Variants in ITGA1 observed in about 807,000 individuals in gnomAD.
ITGA1 encodes the protein integrin alpha-1.
A neutral mutation model predicts 145.9 loss-of-function variants in ITGA1; 85 were observed. The observed-to-expected ratio is 0.58, with a 90% confidence interval of 0.49 to 0.70. The LOEUF (loss-of-function observed/expected upper bound fraction) is 0.70. Ranked by LOEUF, ITGA1 falls within the 30% of genes least tolerant of loss-of-function variation. ITGA1 has a pLI of 0.00. For missense variants in ITGA1, 1,351 were observed against 1,418.7 expected, an observed-to-expected ratio of 0.95 and a Z score of 0.77; for synonymous variants, 520 against 495.3, an observed-to-expected ratio of 1.05 and a Z score of -0.66.
chr5:52,793,948 T>C (rs1748290309), intron 1 of ITGA1, among the ~76,000 whole-genome samples: 1 of 152,052 alleles, frequency 6.6e-6, no homozygotes, highest in Non-Finnish European at 1.5e-5. Context: ...GGGTTGTGTA[T>C]ATAGGAAGAA....
intron 9 of ITGA1, among the ~76,000 whole-genome samples, chr5:52,896,216 C>T (rs902019865): frequency 1.3e-5 from 2 of 152,148 alleles, no homozygotes; most frequent in Admixed American, 1.3e-4. Flanking sequence ...GCCACTGCAG[C>T]AGGAAGAACA....
At chr5:52,945,619 C>T (rs1173640053) in intron 27 of ITGA1, among the ~76,000 whole-genome samples, 1 of 151,788 alleles carries the variant, frequency 6.6e-6, no homozygotes, top group South Asian at 2.1e-4. Flanking sequence ...GGAGTAAGAC[C>T]CCATCTCTAA....
chr5:52,823,098 C>T (rs1748905507), intron 1 of ITGA1, among the ~76,000 whole-genome samples: 2 of 152,272 alleles, frequency 1.3e-5, no homozygotes, highest in Middle Eastern at 3.4e-3. Context: ...CTCAATGGTG[C>T]CCCGACTTTC....
At chr5:52,830,298 C>T (rs1229925672) in intron 1 of ITGA1, among the ~76,000 whole-genome samples, 2 of 151,584 alleles carry the variant, frequency 1.3e-5, no homozygotes, top group African/African-American at 4.8e-5. Flanking sequence ...GATAGTATTC[C>T]CTGTTAAGAA....
In ITGA1 at chr5:52,788,245, C is replaced by A; in HGVS notation, c.-109C>A. On this transcript the variant is annotated 5_prime_UTR_variant, in exon 1 of 29. In the 5' UTR this introduces an upstream ATG that the reference lacks. Coordinates refer to ENST00000282588, the MANE Select transcript of ITGA1 (RefSeq NM_181501.2). Reference sequence around the variant, plus strand: ...GCGCCGCTGCCACTGGGGCAGAGGACTGGGAACCGCGGCAGCGGGATAAGT... The same window carrying A: ...GCGCCGCTGCCACTGGGGCAGAGGAATGGGAACCGCGGCAGCGGGATAAGT... 2 of 844,196 alleles carry A rather than the reference C, an allele frequency of 2.4e-6. No homozygotes were observed. Among genetic ancestry groups the A allele is most frequent in the Non-Finnish European group, 3.4e-6 (2 of 590,532 alleles). The allele number at this position is 844,196 out of a possible 1,614,324, so 52.3% of individuals were successfully genotyped here. A position where few individuals can be genotyped will look rare whatever the true frequency, so the allele number is the denominator to read the frequency against.
intron 16 of ITGA1, among the ~76,000 whole-genome samples, chr5:52,919,105 A>C (rs1750693601): frequency 6.6e-6 from 1 of 152,142 alleles, no homozygotes; most frequent in South Asian, 2.1e-4. Flanking sequence ...CAGAAATTAC[A>C]TGTTTGTATG....
rs545919070 is a variant in ITGA1 at position 52,880,806 on chromosome 5, G to C, written c.625-1067G>C. Among the ~76,000 whole-genome samples, 12 of 152,306 alleles carry C rather than the reference G, an allele frequency of 7.9e-5. No individual in the cohort carries two copies. The South Asian group carries it at 2.3e-3, about 29-fold the overall frequency. On this transcript the variant is annotated intron_variant, in intron 6 of 28. Coordinates refer to ENST00000282588, the MANE Select transcript of ITGA1 (RefSeq NM_181501.2). Reference sequence around the variant, plus strand: ...TTGGGCAAATAATTTTCTGAGTCTGGATTTTGAGATAGGATGGTTAAACAA... The same window carrying C: ...TTGGGCAAATAATTTTCTGAGTCTGCATTTTGAGATAGGATGGTTAAACAA...
intron 6 of ITGA1, among the ~76,000 whole-genome samples, chr5:52,873,700 T>C (rs1305204925): frequency 6.6e-6 from 1 of 152,200 alleles, no homozygotes; most frequent in East Asian, 1.9e-4. Context: ...CTTTGTACCA[T>C]AGTTTGATAA....
rs369246993 is a variant in ITGA1 at position 52,918,747 on chromosome 5, C to T, written c.2004C>T (p.Ala668=). 57 of 1,607,406 alleles carry T rather than the reference C, an allele frequency of 3.5e-5. No individual in the cohort carries two copies. Among genetic ancestry groups the T allele is most frequent in the Middle Eastern group, 1.7e-4 (1 of 6,030 alleles). Residue 668 remains alanine, a synonymous_variant, in exon 16 of 29, where the codon GCC becomes GCT. Transcript: ENST00000282588. ...GAALFWSRDV[A]VVKVTMNFEP... ...TTGTTTGTAGGTCCCGAGATGTGGC[C>T]GTAGTTAAAGTGACCATGAATTTTG...
At chr5:52,834,675 AAG>A (rs953543564) in intron 1 of ITGA1, among the ~76,000 whole-genome samples, 7 of 151,098 alleles carry the variant, frequency 4.6e-5, no homozygotes, top group African/African-American at 1.5e-4. Flanking sequence ...GAAAGAAAGA[AAG>A]AGAAAGAAAG....
chr5:52,865,778 C>T lies in ITGA1; in HGVS notation c.585C>T (p.Asp195=). The change falls in exon 6 of 29, where the codon GAC becomes GAT. Residue 195 remains aspartate, a synonymous_variant. Transcript: ENST00000282588. The part of the protein sequence containing the change: ...PWDSVTAFLN[D]LLERMDIGPK... The stretch of plus-strand genomic sequence containing the variant: ...ACAGTGTTACAGCTTTTTTAAATGA[C>T]CTTCTTGAAAGAATGGATATTGGTC... 2.5e-6 allele frequency: 4 copies of T among 1,602,896 alleles called. No homozygotes were observed. Among genetic ancestry groups the T allele is most frequent in the Non-Finnish European group, 3.4e-6 (4 of 1,175,532 alleles).
intron 1 of ITGA1, among the ~76,000 whole-genome samples, chr5:52,792,932 A>T (rs537321640): frequency 1.6e-4 from 25 of 152,292 alleles, no homozygotes; most frequent in African/African-American, 5.5e-4. Context: ...CAAGAGATGC[A>T]AATGACTGCA....
At chr5:52,834,373 A>G (rs569585235) in intron 1 of ITGA1, among the ~76,000 whole-genome samples, 4 of 152,176 alleles carry the variant, frequency 2.6e-5, no homozygotes, top group Admixed American at 6.6e-5. Flanking sequence ...TGTCTTGTAA[A>G]TGGCCATCTT....
chr5:52,937,212 A>G (rs1750979738), intron 23 of ITGA1, among the ~76,000 whole-genome samples, 189 bp from the exon 24 acceptor site: 1 of 152,154 alleles, frequency 6.6e-6, no homozygotes, highest in African/African-American at 2.4e-5. Flanking sequence ...ACTGACCATT[A>G]AGTGTCCATA....
At chr5:52,837,269 C>T (rs78211093) in intron 1 of ITGA1, among the ~76,000 whole-genome samples, 8,479 of 152,116 alleles carry the variant, frequency 0.056, 309 homozygotes, top group East Asian at 0.093. Flanking sequence ...ATTTTCTTAA[C>T]GTAGGCAGGC....
chr5:52,925,148 G>T (rs1418932105), intron 18 of ITGA1, 130 bp from the exon 19 acceptor site: 8 of 646,366 alleles, frequency 1.2e-5, no homozygotes, highest in African/African-American at 1.1e-4. Flanking sequence ...TAAGATTTTT[G>T]CAGGGAAATT....
intron 2 of ITGA1, among the ~76,000 whole-genome samples, chr5:52,856,255 C>T (rs939826192): frequency 2.6e-5 from 4 of 152,120 alleles, no homozygotes; most frequent in Non-Finnish European, 5.9e-5. Flanking sequence ...CACACTTTTC[C>T]CTGGGCTATC....
chr5:52,790,160 C>A (rs1249447620), intron 1 of ITGA1, among the ~76,000 whole-genome samples: 2 of 152,300 alleles, frequency 1.3e-5, no homozygotes, highest in African/African-American at 2.4e-5. Flanking sequence ...TCCATGCACA[C>A]TACTGTAGAG....
chr5:52,849,013 T>C (rs1749383546), intron 1 of ITGA1, among the ~76,000 whole-genome samples: 1 of 152,190 alleles, frequency 6.6e-6, no homozygotes, highest in South Asian at 2.1e-4. Context: ...GTCTTTGCTA[T>C]TGTGAACAGT....
Sources: gnomAD v4.1 joint callset for allele counts (sites outside exome capture counted in the v4.1 genomes callset) on GRCh38, gnomAD v4.1.1 for gene constraint, MANE v1.5 for transcripts, NCBI Gene and HGNC (gene_info 2026-07-23, HGNC 2026-07-21) for gene names.